The following MAN1A2 variants were observed in gnomAD, a reference collection of about 807,000 sequenced individuals.
MAN1A2 encodes the protein mannosidase alpha class 1A member 2, also known as mannosyl-oligosaccharide 1,2-alpha-mannosidase IB.
A neutral mutation model predicts 75.7 loss-of-function variants in MAN1A2; 26 were observed. The ratio of observed to expected loss-of-function variants is 0.34; its 90% CI spans 0.25 to 0.48. MAN1A2 has a LOEUF of 0.48. Ranked by LOEUF, MAN1A2 falls within the 20% of genes least tolerant of loss-of-function variation. The pLI, the probability that MAN1A2 is intolerant of heterozygous loss-of-function variation, is 0.99. For synonymous variants in MAN1A2, 247 were observed against 264.6 expected (o/e 0.93, Z 0.65); for missense variants, 562 against 775.5 (o/e 0.72, Z 3.27).
At chr1:117,445,880 GTGTGTA>G (rs1557953879) in intron 6 of MAN1A2, among the ~76,000 whole-genome samples, 9 of 126,014 alleles carry the variant, frequency 7.1e-5, no homozygotes, top group Admixed American at 4.0e-4. Flanking sequence ...GTGTCTGTGT[GTGTGTA>G]TATATATATA....
chr1:117,511,283 G>A (rs1229891210), intron 12 of MAN1A2, among the ~76,000 whole-genome samples: 2 of 151,974 alleles, frequency 1.3e-5, no homozygotes, highest in African/African-American at 2.4e-5. Context: ...ATTACAATTC[G>A]AGATGAGATT....
intron 3 of MAN1A2, among the ~76,000 whole-genome samples, chr1:117,408,570 T>G (rs935810254): frequency 1.3e-5 from 2 of 152,114 alleles, no homozygotes; most frequent in African/African-American, 4.8e-5. Context: ...AGATTGTTGC[T>G]TCTATATTAA....
rs553266338 is a variant in MAN1A2, at chr1:117,488,774, A to T, written c.1169-4373A>T. ...AAGTGAATTATGGGAATATTAGCAG[A>T]CATACTGCTTAAGGTGAATGATAGC... is the stretch of plus-strand genomic sequence containing the variant. On this transcript the variant is annotated intron_variant, in intron 8 of 12. Coordinates refer to ENST00000356554, the MANE Select transcript of MAN1A2 (RefSeq NM_006699.5). 3.9e-5 allele frequency among the ~76,000 whole-genome samples: 6 copies of T among 152,240 alleles called. No individual in the cohort carries two copies. The East Asian group carries it at 1.2e-3, about 30-fold the overall frequency.
intron 8 of MAN1A2, among the ~76,000 whole-genome samples, chr1:117,479,207 C>T (rs1183781501): frequency 6.6e-6 from 1 of 151,864 alleles, no homozygotes; most frequent in Non-Finnish European, 1.5e-5. Context: ...GTTTGGTTTT[C>T]TGTTCCTGTA....
In MAN1A2 at chr1:117,426,900, G is replaced by A. The variant is rs1186645179; in HGVS notation, c.855+6251G>A. Among the ~76,000 whole-genome samples, 3 of 152,164 alleles carry A rather than the reference G, an allele frequency of 2.0e-5. No individual in the cohort carries two copies. The East Asian group carries it at 5.8e-4, about 29-fold the overall frequency. On this transcript the variant is annotated intron_variant, in intron 5 of 12. Transcript: ENST00000356554. ...TCTTTAATTCTTTGTTCCTTTATAT[G>A]TAATGTCTTTTTATATATTGCAAGA...
intron 6 of MAN1A2, 98 bp from the exon 7 acceptor site, chr1:117,460,391 A>C (rs1557959924): frequency 1.3e-6 from 1 of 750,416 alleles, no homozygotes; most frequent in East Asian, 2.8e-5. Context: ...AGATATAATA[A>C]TTTATAAGAG....
chr1:117,463,937 G>T (rs1312150376), intron 7 of MAN1A2, among the ~76,000 whole-genome samples: 1 of 152,052 alleles, frequency 6.6e-6, no homozygotes, highest in African/African-American at 2.4e-5. Context: ...ATAAAAGCAA[G>T]AGATAGTCAT....
chr1:117,407,043 G>A (rs1202495560), intron 3 of MAN1A2, among the ~76,000 whole-genome samples: 2 of 151,956 alleles, frequency 1.3e-5, no homozygotes, highest in Non-Finnish European at 2.9e-5. Flanking sequence ...AACTTTAAAG[G>A]TAGAAGAAAA....
At chr1:117,482,506 T>C (rs563425669) in intron 8 of MAN1A2, among the ~76,000 whole-genome samples, 1 of 152,236 alleles carries the variant, frequency 6.6e-6, no homozygotes, top group Admixed American at 6.5e-5. Flanking sequence ...GTTGGCTGCA[T>C]ATACAGACAT....
At chr1:117,395,983 G>A (rs1323386500) in intron 1 of MAN1A2, among the ~76,000 whole-genome samples, 2 of 152,200 alleles carry the variant, frequency 1.3e-5, no homozygotes, top group Non-Finnish European at 2.9e-5. Flanking sequence ...CTTTTCCCAT[G>A]GAGTCAGGAC....
At chr1:117,369,580 A>T (rs1652883613) in intron 1 of MAN1A2, among the ~76,000 whole-genome samples, 1 of 152,174 alleles carries the variant, frequency 6.6e-6, no homozygotes. Context: ...TTCTCAACCT[A>T]GTTAATTCAT....
chr1:117,459,243 A>G (rs948134220), intron 6 of MAN1A2, among the ~76,000 whole-genome samples: 1 of 152,210 alleles, frequency 6.6e-6, no homozygotes, highest in Non-Finnish European at 1.5e-5. Flanking sequence ...TCTCATATAG[A>G]AAGAAATTGC....
At chr1:117,391,580 T>C (rs1653722196) in intron 1 of MAN1A2, among the ~76,000 whole-genome samples, 1 of 152,214 alleles carries the variant, frequency 6.6e-6, no homozygotes, top group East Asian at 1.9e-4. Context: ...TTAATATAGC[T>C]GTTCTCACTT....
At position 117,460,575 on chromosome 1, in the gene MAN1A2, T is replaced by G. The variant is rs775354652; in HGVS notation, c.1037T>G (p.Leu346Arg). ...FGTLHMEFIH[L>R]SYLTGDLTYY... ...ACACTACATATGGAGTTCATCCACC[T>G]CAGCTACTTGACAGGGGACCTGACT... The change falls in exon 7 of 13, where the codon CTC becomes CGC. Residue 346 changes from leucine to arginine, a missense_variant. By Grantham distance (102) the Leu-to-Arg change is moderately radical (BLOSUM62 -2). This residue lies in a region of MAN1A2 where 434 missense variants were observed against 645.7 expected (regional missense o/e 0.67). Transcript: ENST00000356554. 1 of 1,609,854 alleles carries G rather than the reference T, an allele frequency of 6.2e-7. No individual in the cohort carries two copies. The highest frequency in any genetic ancestry group is 2.2e-5 in the East Asian group (1 of 44,668).
At chr1:117,464,363 A>C (rs1247420899) in intron 7 of MAN1A2, among the ~76,000 whole-genome samples, 1 of 151,858 alleles carries the variant, frequency 6.6e-6, no homozygotes, top group East Asian at 1.9e-4. Context: ...TGTCAAAAAA[A>C]AAAGAAACAG....
At chr1:117,413,714 T>C (rs570644656) in intron 3 of MAN1A2, among the ~76,000 whole-genome samples, 1 of 152,130 alleles carries the variant, frequency 6.6e-6, no homozygotes, top group Non-Finnish European at 1.5e-5. Flanking sequence ...ATTCATGTTG[T>C]TGAAGACAAT....
intron 6 of MAN1A2, among the ~76,000 whole-genome samples, chr1:117,450,989 A>C: frequency 6.6e-6 from 1 of 152,234 alleles, no homozygotes; most frequent in Non-Finnish European, 1.5e-5. Flanking sequence ...AGCTGTGAGA[A>C]GAGGGCAACT....
intron 7 of MAN1A2, among the ~76,000 whole-genome samples, chr1:117,464,352 C>CTT (rs1649918351): frequency 4.9e-5 from 1 of 20,362 alleles, no homozygotes; most frequent in South Asian, 1.6e-3. Flanking sequence ...GAGCAAGACT[C>CTT]TGTCAAAAAA....
At chr1:117,381,830 C>T (rs1242091560) in intron 1 of MAN1A2, among the ~76,000 whole-genome samples, 2 of 152,062 alleles carry the variant, frequency 1.3e-5, no homozygotes, top group African/African-American at 4.8e-5. Flanking sequence ...TATTTCTCCA[C>T]ATCCTTTCCA....
Sources: gnomAD v4.1 joint callset for allele counts (sites outside exome capture counted in the v4.1 genomes callset) on GRCh38, gnomAD v4.1.1 for gene constraint, gnomAD v4.1.1 regional missense constraint, MANE v1.5 for transcripts, NCBI Gene and HGNC (gene_info 2026-07-23, HGNC 2026-07-21) for gene names.